The following GLCCI1 variants were observed in gnomAD, a reference collection of about 807,000 sequenced individuals.
GLCCI1 encodes glucocorticoid induced 1, also known as glucocorticoid-induced transcript 1 protein.
A neutral mutation model predicts 52.2 loss-of-function variants in GLCCI1; 24 were observed. The observed-to-expected ratio is 0.46, with a 90% CI of 0.33 to 0.65. The LOEUF (loss-of-function observed/expected upper bound fraction) is 0.65, where lower values mean the gene tolerates loss of function less well. Ranked by LOEUF, GLCCI1 falls within the 30% of genes least tolerant of loss-of-function variation. The probability of loss-of-function intolerance (pLI) is 0.02; values close to 1 mark genes in which losing one functional copy is unlikely to be tolerated. For missense variants in GLCCI1, 704 were observed against 701.5 expected (o/e 1.00, Z -0.04); for synonymous variants, 310 against 276.5 (o/e 1.12, Z -1.20).
At chr7:8,075,040 G>A (rs562721198) in intron 6 of GLCCI1, among the ~76,000 whole-genome samples, 2 of 152,090 alleles carry the variant, frequency 1.3e-5, no homozygotes, top group African/African-American at 2.4e-5. Flanking sequence ...TTTTATATAC[G>A]TATTCTTTTT....
At chr7:8,041,246 GA>G (rs1781992589) in intron 3 of GLCCI1, among the ~76,000 whole-genome samples, 1 of 152,186 alleles carries the variant, frequency 6.6e-6, no homozygotes, top group Admixed American at 6.5e-5. Context: ...CTTAATCAGA[GA>G]AGGGCCCTAA....
chr7:8,070,756 A>G (rs1377477647), intron 5 of GLCCI1, 165 bp from the exon 6 acceptor site: 5 of 606,894 alleles, frequency 8.2e-6, no homozygotes, highest in Non-Finnish European at 1.4e-5. Flanking sequence ...CAATAAAGGT[A>G]ACATACGCAG....
intron 6 of GLCCI1, among the ~76,000 whole-genome samples, chr7:8,076,177 A>G (rs186130528): frequency 5.3e-5 from 8 of 152,228 alleles, no homozygotes; most frequent in African/African-American, 1.9e-4. Context: ...TTTTAGATAA[A>G]TCAGCCAAGA....
intron 1 of GLCCI1, among the ~76,000 whole-genome samples, chr7:7,993,788 GA>G (rs5882149): frequency 1.1e-4 from 16 of 147,796 alleles, no homozygotes; most frequent in Admixed American, 2.0e-4. Flanking sequence ...GTTACATCCT[GA>G]AAAAAAAAAA....
intron 3 of GLCCI1, among the ~76,000 whole-genome samples, chr7:8,039,865 C>T (rs904445149): frequency 1.3e-5 from 2 of 151,792 alleles, no homozygotes; most frequent in Non-Finnish European, 2.9e-5. Flanking sequence ...GGCATGGTAG[C>T]GGGCTCCTGT....
At chr7:7,970,009 C>T (rs1422654957) in intron 1 of GLCCI1, 1 of 518,270 alleles carries the variant, frequency 1.9e-6, no homozygotes, top group African/African-American at 2.1e-5. Flanking sequence ...CCTCATGCCG[C>T]CCCTCAGAGT....
intron 3 of GLCCI1, among the ~76,000 whole-genome samples, chr7:8,029,846 A>T (rs891645800): frequency 6.6e-6 from 1 of 152,154 alleles, no homozygotes. Context: ...TTATTCAAAG[A>T]AGTGAAAGAT....
chr7:8,086,482 C>T lies in GLCCI1; in HGVS notation c.1588C>T (p.Leu530=), dbSNP rs1783109218. 1 of 1,614,012 alleles carries T rather than the reference C, an allele frequency of 6.2e-7. No individual in the cohort carries two copies. Among genetic ancestry groups the T allele is most frequent in the Non-Finnish European group, 8.5e-7 (1 of 1,179,952 alleles). ...GCAGCCATCCCAGCAGCAGCAGCTC[C>T]TGCAGGAACTGCAGGGTGAGGACCA... ...VQQPSQQQQL[L]QELQGEDHIS... is the part of the protein sequence containing the mutation. The change falls in exon 8 of 8, where the codon CTG becomes TTG. Residue 530 remains leucine (L), a synonymous_variant. Transcript: ENST00000223145. This position sits in a 1 kb window ranked among gnomAD's most constrained non-coding sequence, Gnocchi z 4.4.
intron 3 of GLCCI1, among the ~76,000 whole-genome samples, chr7:8,048,255 C>G (rs1261956541): frequency 6.6e-6 from 1 of 152,106 alleles, no homozygotes; most frequent in African/African-American, 2.4e-5. Flanking sequence ...CTCTTACTCT[C>G]TCTTAGCCTC....
intron 2 of GLCCI1, among the ~76,000 whole-genome samples, chr7:8,010,272 C>A (rs140129753): frequency 2.0e-5 from 3 of 152,316 alleles, no homozygotes; most frequent in African/African-American, 7.2e-5. Flanking sequence ...ACAAGAGAAA[C>A]CACCACTGCC....
chr7:7,969,997 A>C lies in GLCCI1; in HGVS notation c.457+190A>C. 1 of 640,592 alleles carries C rather than the reference A, an allele frequency of 1.6e-6. No homozygotes were observed. The allele number at this position is 640,592 out of a possible 1,614,324, so 39.7% of individuals were successfully genotyped here. On this transcript the variant is annotated intron_variant, in intron 1 of 7. Transcript: ENST00000223145. The surrounding 1 kb of genome is among the most constrained non-coding windows in gnomAD (Gnocchi z 4.9). ...CGAACTGAAAAGCGACTTTTATTTG[A>C]CCCTCATGCCGCCCCTCAGAGTCTC...
At chr7:8,029,602 T>C (rs1781700662) in intron 3 of GLCCI1, among the ~76,000 whole-genome samples, 3 of 152,106 alleles carry the variant, frequency 2.0e-5, no homozygotes, top group South Asian at 2.1e-4. Flanking sequence ...GGTATTTGAA[T>C]TGGAAAGGAA....
chr7:8,058,305 G>A (rs1006000985), intron 4 of GLCCI1, among the ~76,000 whole-genome samples: 5 of 152,130 alleles, frequency 3.3e-5, no homozygotes, highest in African/African-American at 4.8e-5. Flanking sequence ...GGAAGATTCA[G>A]TATTTTTCAA....
intron 3 of GLCCI1, among the ~76,000 whole-genome samples, chr7:8,033,712 T>G (rs1183334297): frequency 7.2e-5 from 11 of 152,078 alleles, no homozygotes. Context: ...ACACTGAAAA[T>G]ATTACTGGAT....
At chr7:8,005,043 T>A (rs1781119819) in intron 2 of GLCCI1, among the ~76,000 whole-genome samples, 1 of 152,222 alleles carries the variant, frequency 6.6e-6, no homozygotes, top group South Asian at 2.1e-4. Context: ...TATGCTGCTC[T>A]ACTCTTTTGA....
chr7:8,042,671 T>G (rs1252887710), intron 3 of GLCCI1, among the ~76,000 whole-genome samples: 1 of 152,200 alleles, frequency 6.6e-6, no homozygotes, highest in African/African-American at 2.4e-5. Flanking sequence ...TGTGACTGAT[T>G]TGCTGCAATC....
chr7:8,015,099 T>C (rs1468343229), intron 2 of GLCCI1, among the ~76,000 whole-genome samples: 1 of 152,218 alleles, frequency 6.6e-6, no homozygotes, highest in East Asian at 1.9e-4. Flanking sequence ...CATTTGGCTT[T>C]AGGCAACATT....
chr7:8,011,284 A>C (rs922940790), intron 2 of GLCCI1, among the ~76,000 whole-genome samples: 1 of 152,180 alleles, frequency 6.6e-6, no homozygotes, highest in African/African-American at 2.4e-5. Flanking sequence ...CTCTGTGTTT[A>C]TTAAATACTA....
At chr7:7,986,757 G>A (rs996129885) in intron 1 of GLCCI1, among the ~76,000 whole-genome samples, 4 of 152,132 alleles carry the variant, frequency 2.6e-5, no homozygotes, top group African/African-American at 9.7e-5. Flanking sequence ...TTCACTTATT[G>A]GCATGATGGT....
Sources: allele counts gnomAD v4.1 joint callset (sites outside exome capture counted in the v4.1 genomes callset), GRCh38; gene constraint gnomAD v4.1.1; non-coding constraint Gnocchi (gnomAD v3.1); transcripts MANE v1.5; gene names NCBI Gene and HGNC (gene_info 2026-07-23, HGNC 2026-07-21).